VPS39: variants seen among roughly 807,000 people sequenced by gnomAD.
The protein encoded by VPS39 is VPS39 subunit of HOPS complex, also known as vam6/Vps39-like protein.
VPS39 carries 70 observed loss-of-function variants against 121.0 expected under a neutral mutation model. The observed-to-expected ratio is 0.58, with a 90% CI of 0.48 to 0.71. The LOEUF is 0.71. Ranked by LOEUF, VPS39 falls within the 30% of genes least tolerant of loss-of-function variation. VPS39 has a pLI of 0.00. For missense variants in VPS39, 818 were observed against 1,051.5 expected, an observed-to-expected ratio of 0.78 and a Z score of 3.07; for synonymous variants, 378 against 398.1, an observed-to-expected ratio of 0.95 and a Z score of 0.60.
intron 16 of VPS39, 143 bp downstream of exon 16, chr15:42,166,016 G>C (rs2049235334): frequency 3.1e-6 from 3 of 975,550 alleles, no homozygotes; most frequent in South Asian, 3.0e-5. Flanking sequence ...TACAGTGCTG[G>C]CTCGCGCTTC....
At chr15:42,165,680 G>T in intron 17 of VPS39, 38 bp downstream of exon 17, 1 of 1,565,646 alleles carries the variant, frequency 6.4e-7, no homozygotes, top group Non-Finnish European at 8.8e-7. Context: ...TGGATCCTGG[G>T]TTTAAAGCTT....
chr15:42,170,015 T>G, intron 11 of VPS39, 149 bp from the exon 12 acceptor site: 1 of 955,566 alleles, frequency 1.0e-6, no homozygotes, highest in Non-Finnish European at 1.4e-6. Context: ...CAACGAGCTG[T>G]AGACTTATGA....
At chr15:42,193,605 T>A (rs1470173894) in intron 2 of VPS39, among the ~76,000 whole-genome samples, 2 of 152,238 alleles carry the variant, frequency 1.3e-5, no homozygotes, top group East Asian at 3.8e-4. Flanking sequence ...AAATACTGGT[T>A]CACTGAGTTA....
chr15:42,166,848 G>A lies in VPS39; in HGVS notation c.1443C>T (p.Ser481=), dbSNP rs750255420. ...TGTGAGCCTTCTTTAGCACGTGCTC[G>A]CTCTCCTCGATGTGGCAGTGATTGT... is the stretch of plus-strand genomic sequence containing the variant. ...LENNHCHIEE[S]EHVLKKAHKY... Residue 481 remains serine, a synonymous_variant, in exon 14 of 25, where the codon AGC becomes AGT. Transcript: ENST00000318006. The A allele has an allele frequency of 5.8e-5, 93 of 1,614,040 alleles. No individual in the cohort carries two copies. The highest frequency in any genetic ancestry group is 3.3e-4 in the South Asian group (30 of 91,080).
intron 11 of VPS39, 82 bp from the exon 12 acceptor site, chr15:42,169,948 A>C: frequency 1.4e-6 from 2 of 1,413,744 alleles, no homozygotes; most frequent in Non-Finnish European, 1.9e-6. Flanking sequence ...TTACTATAGC[A>C]AAATAAGTTC....
At chr15:42,174,055 G>A (rs185132243) in intron 10 of VPS39, among the ~76,000 whole-genome samples, 48 of 152,136 alleles carry the variant, frequency 3.2e-4, no homozygotes, top group Admixed American at 9.8e-4. Flanking sequence ...AGACCATCCT[G>A]GCTAACACGG....
chr15:42,179,818 A>G (rs760767558), intron 8 of VPS39, among the ~76,000 whole-genome samples: 2 of 151,900 alleles, frequency 1.3e-5, no homozygotes, highest in Admixed American at 1.3e-4. Flanking sequence ...TCCCTCCCCA[A>G]CTTATGCATT....
At chr15:42,207,531 T>TA (rs2140898807) in intron 1 of VPS39, among the ~76,000 whole-genome samples, 1 of 152,296 alleles carries the variant, frequency 6.6e-6, no homozygotes, top group East Asian at 1.9e-4. Flanking sequence ...ACTTTGGATA[T>TA]AAGGTAATCA....
chr15:42,204,885 T>C (rs1025111764), intron 1 of VPS39, among the ~76,000 whole-genome samples: 1 of 152,156 alleles, frequency 6.6e-6, no homozygotes, highest in African/African-American at 2.4e-5. Flanking sequence ...GACATACAGA[T>C]ACTCATATAT....
At chr15:42,166,674 G>T (rs2140840090) in intron 14 of VPS39, 25 bp from the exon 15 acceptor site, 1 of 1,614,080 alleles carries the variant, frequency 6.2e-7, no homozygotes, top group East Asian at 2.2e-5. Context: ...CAAGAACAAG[G>T]TCATGAGCCT....
At chr15:42,161,586 C>T (rs1421406688) in intron 24 of VPS39, 96 bp downstream of exon 24, 11 of 1,259,682 alleles carry the variant, frequency 8.7e-6, no homozygotes, top group Admixed American at 1.7e-5. Flanking sequence ...CCATGTTCTC[C>T]TTCTCTGTTA....
chr15:42,198,738 TTGGAAC>T lies in VPS39; in HGVS notation c.139+1152_139+1157del, dbSNP rs2049999218. Among the ~76,000 whole-genome samples the T allele has an allele frequency of 2.6e-5, 4 of 152,218 alleles. No homozygotes were observed. The South Asian group carries it at 8.3e-4, about 32-fold the overall frequency. On this transcript the variant is annotated intron_variant, in intron 2 of 24. Coordinates refer to ENST00000318006, the MANE Select transcript of VPS39 (RefSeq NM_015289.5). ...GCATGTTTTTGTAAATAAAGTTTTA[TTGGAAC>T]ATAGCCATACCTATTCATTACATAT...
rs1390298759 is a variant in VPS39 at position 42,204,302 on chromosome 15, G to T, written c.73+3779C>A. ...ATGCACATTCCTGGGCCCTGCACAT[G>T]GAGATTCAGATTCAATGGCTTTGAA... On this transcript the variant is annotated intron_variant, in intron 1 of 24. Transcript: ENST00000318006. Among the ~76,000 whole-genome samples the T allele has an allele frequency of 2.6e-5, 4 of 152,188 alleles. No individual in the cohort carries two copies. The East Asian group carries it at 7.7e-4, about 29-fold the overall frequency.
intron 23 of VPS39, 50 bp downstream of exon 23, chr15:42,161,982 C>T (rs1485023444): frequency 1.2e-6 from 2 of 1,611,198 alleles, no homozygotes; most frequent in Admixed American, 3.3e-5. Context: ...GACATTGTCT[C>T]ATACTAAAAG....
chr15:42,165,981 C>T (rs1248789382), intron 16 of VPS39, among the ~76,000 whole-genome samples, 165 bp from the exon 17 acceptor site: 1 of 152,198 alleles, frequency 6.6e-6, no homozygotes, highest in Non-Finnish European at 1.5e-5. Flanking sequence ...CCTCCTCATG[C>T]CTGTGTAAGG....
chr15:42,186,401 AC>A (rs1431783383), intron 7 of VPS39, among the ~76,000 whole-genome samples: 1 of 152,176 alleles, frequency 6.6e-6, no homozygotes, highest in African/African-American at 2.4e-5. Flanking sequence ...AGATCCTGCC[AC>A]TGCACTCCCG....
chr15:42,164,294 G>A, intron 19 of VPS39, 64 bp downstream of exon 19: 1 of 1,593,838 alleles, frequency 6.3e-7, no homozygotes. Flanking sequence ...AACAATTAAA[G>A]GGGTGGATTA....
intron 1 of VPS39, among the ~76,000 whole-genome samples, chr15:42,201,170 C>G (rs1033237488): frequency 6.6e-6 from 1 of 151,648 alleles, no homozygotes; most frequent in Non-Finnish European, 1.5e-5. Flanking sequence ...TAATTGTACA[C>G]TTTTTTTTAA....
intron 1 of VPS39, among the ~76,000 whole-genome samples, chr15:42,206,522 G>A (rs965497280): frequency 2.6e-5 from 4 of 152,210 alleles, no homozygotes; most frequent in Admixed American, 2.6e-4. Flanking sequence ...TGGAGTTGGT[G>A]AGAGTCTAGG....
Sources: allele counts gnomAD v4.1 joint callset (sites outside exome capture counted in the v4.1 genomes callset), GRCh38; gene constraint gnomAD v4.1.1; transcripts MANE v1.5; gene names NCBI Gene and HGNC (gene_info 2026-07-23, HGNC 2026-07-21).